Variants in NAALADL2 observed in about 807,000 individuals in gnomAD.
NAALADL2 encodes inactive N-acetylated-alpha-linked acidic dipeptidase-like protein 2.
A neutral mutation model predicts 87.2 loss-of-function variants in NAALADL2; 76 were observed. That is an observed-to-expected ratio of 0.87 (90% CI 0.72 to 1.05). The LOEUF (loss-of-function observed/expected upper bound fraction) is 1.05, where lower values mean the gene tolerates loss of function less well. NAALADL2 is among the 50% of genes least tolerant of loss of function. The probability of loss-of-function intolerance (pLI) is 0.00; values close to 1 mark genes in which losing one functional copy is unlikely to be tolerated. For synonymous variants in NAALADL2, 354 were observed against 331.0 expected, an observed-to-expected ratio of 1.07 and a Z score of -0.75; for missense variants, 1,089 against 945.8, an observed-to-expected ratio of 1.15 and a Z score of -1.99.
chr3:175,031,203 C>T (rs1057228259), intron 1 of NAALADL2, among the ~76,000 whole-genome samples: 7 of 151,838 alleles, frequency 4.6e-5, no homozygotes, highest in Admixed American at 2.6e-4. Context: ...TATGATGCTT[C>T]GGTTTGGGGT....
intron 4 of NAALADL2, among the ~76,000 whole-genome samples, chr3:175,296,472 G>A (rs997114628): frequency 3.3e-5 from 5 of 152,126 alleles, no homozygotes; most frequent in Admixed American, 2.0e-4. Context: ...CAGGTTCCCC[G>A]TAACTTTGAT....
At chr3:175,170,260 A>C (rs1734603864) in intron 2 of NAALADL2, among the ~76,000 whole-genome samples, 1 of 151,500 alleles carries the variant, frequency 6.6e-6, no homozygotes, top group Admixed American at 6.6e-5. Context: ...TTACATGAAA[A>C]TAAATTGATG....
chr3:174,521,972 A>G (rs887901886), intron 1 of NAALADL2, among the ~76,000 whole-genome samples: 2 of 152,022 alleles, frequency 1.3e-5, no homozygotes, highest in African/African-American at 4.8e-5. Flanking sequence ...GGTGGCATGC[A>G]CCTGTCATCC....
intron 10 of NAALADL2, among the ~76,000 whole-genome samples, chr3:175,626,185 G>C (rs1249285602): frequency 6.6e-6 from 1 of 151,644 alleles, no homozygotes. Context: ...GTTTCTATTG[G>C]TTCATCTACT....
chr3:174,864,190 G>C (rs1726857315), intron 1 of NAALADL2: 1 of 368,552 alleles, frequency 2.7e-6, no homozygotes, highest in South Asian at 2.0e-5. Flanking sequence ...GCAGGCAAAA[G>C]AGATTAGGAA....
At chr3:175,657,358 A>C (rs2149802649) in intron 11 of NAALADL2, among the ~76,000 whole-genome samples, 1 of 152,326 alleles carries the variant, frequency 6.6e-6, no homozygotes, top group South Asian at 2.1e-4. Context: ...ATACAAGATA[A>C]GTATCAGGGA....
intron 9 of NAALADL2, among the ~76,000 whole-genome samples, chr3:175,500,068 T>C (rs1394047055): frequency 1.3e-5 from 2 of 152,020 alleles, no homozygotes; most frequent in African/African-American, 4.8e-5. Context: ...AACACAAAAA[T>C]AAATACCGAA....
intron 3 of NAALADL2, among the ~76,000 whole-genome samples, chr3:174,780,913 G>A (rs1715887683): frequency 6.6e-6 from 1 of 151,996 alleles, no homozygotes; most frequent in Non-Finnish European, 1.5e-5. Flanking sequence ...TCAGTGGCTG[G>A]TACCGGTTTT....
intron 9 of NAALADL2, among the ~76,000 whole-genome samples, chr3:175,565,157 A>G (rs1716904879): frequency 6.6e-6 from 1 of 152,194 alleles, no homozygotes. Flanking sequence ...TGGAGGTTGA[A>G]GAGAGCAACA....
intron 1 of NAALADL2, among the ~76,000 whole-genome samples, chr3:174,979,557 G>A (rs577625554): frequency 3.0e-4 from 46 of 151,748 alleles, no homozygotes; most frequent in South Asian, 6.2e-4. Flanking sequence ...CGCCCGCCTC[G>A]GCCTCCCAAA....
At chr3:174,965,500 A>C (rs922958024) in intron 1 of NAALADL2, among the ~76,000 whole-genome samples, 1 of 152,148 alleles carries the variant, frequency 6.6e-6, no homozygotes, top group South Asian at 2.1e-4. Flanking sequence ...GTGAAGTGTA[A>C]AGATTTCAAA....
chr3:175,340,982 G>A (rs1762510653), intron 5 of NAALADL2, among the ~76,000 whole-genome samples: 1 of 151,626 alleles, frequency 6.6e-6, no homozygotes, highest in South Asian at 2.1e-4. Flanking sequence ...TTCCAAGAAA[G>A]TGTGACTTCA....
intron 9 of NAALADL2, among the ~76,000 whole-genome samples, chr3:175,488,895 A>C (rs9811791): frequency 6.6e-6 from 1 of 152,154 alleles, no homozygotes; most frequent in Non-Finnish European, 1.5e-5. Flanking sequence ...ATATAATAAA[A>C]AGCCAATCTG....
chr3:175,315,212 C>G (rs1458261692), intron 4 of NAALADL2, among the ~76,000 whole-genome samples: 1 of 152,104 alleles, frequency 6.6e-6, no homozygotes, highest in Admixed American at 6.6e-5. Context: ...GTCTAGCACC[C>G]TGTATCAGGC....
At chr3:174,877,463 C>T (rs374658419) in intron 1 of NAALADL2, among the ~76,000 whole-genome samples, 6 of 152,208 alleles carry the variant, frequency 3.9e-5, no homozygotes, top group African/African-American at 1.4e-4. Context: ...CTATTTCAGG[C>T]ATTCAGAAAA....
chr3:175,104,255 C>T lies in NAALADL2; in HGVS notation c.545+6964C>T, dbSNP rs530329317. 2.0e-4 allele frequency among the ~76,000 whole-genome samples: 30 copies of T among 152,232 alleles called. No homozygotes were observed. The South Asian group carries it at 3.7e-3, about 19-fold the overall frequency. On this transcript the variant is annotated intron_variant, in intron 2 of 13. Transcript: ENST00000454872. ...TACCTCCAGTCTTAAATGAGGGAGG[C>T]GAGGTAGTCCTTACCTATAGGTAAA... is the stretch of plus-strand genomic sequence containing the variant.
At chr3:175,598,479 A>G (rs1044790456) in intron 10 of NAALADL2, among the ~76,000 whole-genome samples, 1 of 152,004 alleles carries the variant, frequency 6.6e-6, no homozygotes, top group Non-Finnish European at 1.5e-5. Context: ...AGTTTTCTAC[A>G]TATTTCAAGG....
intron 10 of NAALADL2, among the ~76,000 whole-genome samples, chr3:175,601,038 A>G (rs1015429476): frequency 2.0e-5 from 3 of 152,200 alleles, no homozygotes; most frequent in Non-Finnish European, 4.4e-5. Flanking sequence ...CAATAAGGAA[A>G]AATCTGTGTT....
chr3:175,052,310 T>G (rs926376532), intron 1 of NAALADL2, among the ~76,000 whole-genome samples: 2 of 152,230 alleles, frequency 1.3e-5, no homozygotes, highest in Admixed American at 1.3e-4. Context: ...ATGGCCATCA[T>G]GAACATGTCA....
Sources: allele counts gnomAD v4.1 joint callset (sites outside exome capture counted in the v4.1 genomes callset), GRCh38; gene constraint gnomAD v4.1.1; transcripts MANE v1.5; gene names NCBI Gene and HGNC (gene_info 2026-07-23, HGNC 2026-07-21).